The following GID4 variants were observed in gnomAD, a reference collection of about 807,000 sequenced individuals.
GID4 encodes GID complex subunit 4 homolog, also known as glucose-induced degradation protein 4 homolog.
In GID4, 7 loss-of-function variants were observed where a neutral mutation model predicts 32.4. The ratio of observed to expected loss-of-function variants is 0.22; its 90% CI spans 0.12 to 0.41. The LOEUF (loss-of-function observed/expected upper bound fraction) is 0.41, where lower values mean the gene tolerates loss of function less well. GID4 is among the 10% of genes least tolerant of loss of function. The pLI is 1.00. For synonymous variants in GID4, 166 were observed against 170.0 expected (o/e 0.98, Z 0.18); for missense variants, 309 against 400.0 (o/e 0.77, Z 1.94).
At chr17:18,056,893 A>C in intron 3 of GID4, 1 of 1,550,478 alleles carries the variant, frequency 6.4e-7, no homozygotes, top group South Asian at 1.2e-5. Context: ...ATTTCCCCTA[A>C]CTTTCACCAC....
Position 18,065,475 on chromosome 17 carries a change from C to G in GID4, c.*232C>G, listed in dbSNP as rs1311635392. 1 of 556,000 alleles carries G rather than the reference C, an allele frequency of 1.8e-6. No individual in the cohort carries two copies. The highest frequency in any genetic ancestry group is 3.1e-5 in the East Asian group (1 of 32,252). 34.4% of individuals were successfully genotyped at this position (556,000 alleles called of 1,614,324 possible). A position where few individuals can be genotyped will look rare whatever the true frequency, so the allele number is the denominator to read the frequency against. On this transcript the variant is annotated 3_prime_UTR_variant, in exon 6 of 6. Transcript: ENST00000268719. ...CTCCCCTCAGTGGCAGTTTGGTCTT[C>G]ACCTGTTTTTAAGCTACCTTAAACG...
chr17:18,056,797 C>T (rs1247661229), intron 3 of GID4: 3 of 1,550,630 alleles, frequency 1.9e-6, no homozygotes, highest in Non-Finnish European at 2.6e-6. Flanking sequence ...TTGGTACTGG[C>T]ATGTGAGGTG....
chr17:18,051,414 G>C (rs8080602), intron 2 of GID4, among the ~76,000 whole-genome samples: 90,529 of 152,172 alleles, frequency 0.59, 28,072 homozygotes, highest in Non-Finnish European at 0.68. Context: ...GTAGTTGGCT[G>C]ATGCCTGTAA....
At position 18,060,509 on chromosome 17, in the gene GID4, G is replaced by A. The variant is rs538246744; in HGVS notation, c.709-1336G>A. 8.2e-4 allele frequency among the ~76,000 whole-genome samples: 125 copies of A among 152,126 alleles called. 1 individual carries two copies. In the South Asian group the frequency reaches 0.023, roughly 28 times the overall value. On this transcript the variant is annotated intron_variant, in intron 4 of 5. Coordinates refer to ENST00000268719, the MANE Select transcript of GID4 (RefSeq NM_024052.5). ...TATGCTCACGAGCTTGCCATCTAGC[G>A]GGAAACATGTCAACTAAACAACCTG...
chr17:18,055,863 G>A (rs937096915), intron 3 of GID4, among the ~76,000 whole-genome samples: 1 of 152,030 alleles, frequency 6.6e-6, no homozygotes, highest in Non-Finnish European at 1.5e-5. Flanking sequence ...TTTTGAGACA[G>A]AGTCTCAGTC....
chr17:18,048,817 A>G lies in GID4; in HGVS notation c.498+3611A>G, dbSNP rs149824310. Among the ~76,000 whole-genome samples the G allele has an allele frequency of 1.8e-3, 277 of 150,962 alleles. 5 individuals are homozygous for G. In the East Asian group the frequency reaches 0.053, roughly 29 times the overall value. ...GCCACCACACCTGGCTAATTTTTAT[A>G]TTTTTAGTAGAAATGGGGTTTTACC... is the stretch of plus-strand genomic sequence containing the variant. On this transcript the variant is annotated intron_variant, in intron 2 of 5. Transcript: ENST00000268719.
chr17:18,065,386 C>G lies in GID4; in HGVS notation c.*143C>G. 1 of 690,828 alleles carries G rather than the reference C, an allele frequency of 1.4e-6. No individual in the cohort carries two copies. The allele number at this position is 690,828 out of a possible 1,614,324, so 42.8% of individuals were successfully genotyped here. A position where few individuals can be genotyped will look rare whatever the true frequency, so the allele number is the denominator to read the frequency against. Reference sequence around the variant, plus strand: ...TCGCATCACAAAGCATGAATGTTAACCCACAGAATCCAAGGAGCATGGCTG... The same window carrying G: ...TCGCATCACAAAGCATGAATGTTAAGCCACAGAATCCAAGGAGCATGGCTG... On this transcript the variant is annotated 3_prime_UTR_variant, in exon 6 of 6. Coordinates refer to ENST00000268719, the MANE Select transcript of GID4 (RefSeq NM_024052.5).
chr17:18,063,061 G>A (rs943454575), intron 5 of GID4, among the ~76,000 whole-genome samples: 6 of 147,838 alleles, frequency 4.1e-5, no homozygotes, highest in African/African-American at 1.3e-4. Flanking sequence ...GCGACAGAGC[G>A]AGACACCATC....
At chr17:18,050,781 G>A (rs1031587681) in intron 2 of GID4, among the ~76,000 whole-genome samples, 2 of 152,182 alleles carry the variant, frequency 1.3e-5, no homozygotes, top group African/African-American at 4.8e-5. Flanking sequence ...GGATTAGTTG[G>A]GGGACTTAAA....
intron 3 of GID4, among the ~76,000 whole-genome samples, chr17:18,055,330 T>C (rs1217787806): frequency 1.3e-5 from 2 of 152,130 alleles, no homozygotes; most frequent in Non-Finnish European, 2.9e-5. Context: ...ATTCTAGAAC[T>C]CGTTCTTCCC....
At chr17:18,058,137 T>C (rs1303705845) in intron 3 of GID4, among the ~76,000 whole-genome samples, 1 of 152,196 alleles carries the variant, frequency 6.6e-6, no homozygotes, top group Non-Finnish European at 1.5e-5. Context: ...CCAGTGGATG[T>C]ATAGATTTTT....
intron 2 of GID4, among the ~76,000 whole-genome samples, chr17:18,049,181 C>A (rs1272028991): frequency 2.0e-5 from 3 of 150,952 alleles, no homozygotes; most frequent in African/African-American, 7.3e-5. Context: ...ACTAAAAATA[C>A]AAAAATTAGC....
intron 2 of GID4, among the ~76,000 whole-genome samples, chr17:18,051,568 C>T (rs916808276): frequency 6.6e-6 from 1 of 151,398 alleles, no homozygotes; most frequent in Non-Finnish European, 1.5e-5. Context: ...CCCAGCTACT[C>T]GGGAGGCTGA....
At chr17:18,058,685 G>A (rs1194893342) in intron 3 of GID4, among the ~76,000 whole-genome samples, 183 bp from the exon 4 acceptor site, 1 of 152,170 alleles carries the variant, frequency 6.6e-6, no homozygotes, top group Non-Finnish European at 1.5e-5. Flanking sequence ...CCAGGGTTGA[G>A]TCTGCATTCA....
Position 18,039,587 on chromosome 17 carries a change from CCCCT to C in GID4, c.127_130del (p.Ser43AlafsTer98). The C allele has an allele frequency of 7.7e-7, 1 of 1,294,574 alleles. No individual in the cohort carries two copies. The highest frequency in any genetic ancestry group is 9.8e-7 in the Non-Finnish European group (1 of 1,024,482). 80.2% of individuals were successfully genotyped at this position (1,294,574 alleles called of 1,614,324 possible). A position where few individuals can be genotyped will look rare whatever the true frequency, so the allele number is the denominator to read the frequency against. Reference sequence around the variant, plus strand: ...TCCGCAGGCAGCGGGCGGGTGGTCGCCCCTCCCGCCCCCACCCCGCGCGTGCGCG... The same window carrying C: ...TCCGCAGGCAGCGGGCGGGTGGTCGCCCCGCCCCCACCCCGCGCGTGCGCG... On this transcript the variant is annotated frameshift_variant, in exon 1 of 6. Transcript: ENST00000268719. LOFTEE classifies it high-confidence loss of function. The surrounding 1 kb of genome is among the most constrained non-coding windows in gnomAD (Gnocchi z 5.3).
intron 2 of GID4, 21 bp from the exon 3 acceptor site, chr17:18,054,106 A>T (rs764687388): frequency 1.2e-5 from 16 of 1,309,248 alleles, no homozygotes; most frequent in South Asian, 6.2e-5. Flanking sequence ...TCTTATTTTG[A>T]TATTTGGGTT....
intron 2 of GID4, among the ~76,000 whole-genome samples, chr17:18,052,419 G>A (rs1262826499): frequency 6.6e-6 from 1 of 152,156 alleles, no homozygotes. Context: ...TGCAGGCCAG[G>A]TTGGTAGATG....
intron 1 of GID4, among the ~76,000 whole-genome samples, chr17:18,041,031 C>G (rs996076001): frequency 6.6e-6 from 1 of 152,082 alleles, no homozygotes; most frequent in African/African-American, 2.4e-5. Flanking sequence ...TCTCCCCTCC[C>G]CACAAAACTC....
chr17:18,056,881 G>C (rs1297164127), intron 3 of GID4: 1 of 1,550,594 alleles, frequency 6.4e-7, no homozygotes, highest in African/African-American at 1.4e-5. Context: ...GTAGTACTCA[G>C]CATTTCCCCT....
Sources: gnomAD v4.1 joint callset for allele counts (sites outside exome capture counted in the v4.1 genomes callset) on GRCh38, gnomAD v4.1.1 for gene constraint, Gnocchi (gnomAD v3.1) non-coding constraint, MANE v1.5 for transcripts, NCBI Gene and HGNC (gene_info 2026-07-23, HGNC 2026-07-21) for gene names.